The following FIGNL2 variants were observed in gnomAD, a reference collection of about 807,000 sequenced individuals.
FIGNL2 encodes the protein fidgetin like 2.
For synonymous variants in FIGNL2, 565 were observed against 484.0 expected (o/e 1.17, Z -2.20); for missense variants, 1,060 against 950.2 (o/e 1.12, Z -1.52).
Position 51,820,503 on chromosome 12 carries a change from C to T in FIGNL2, c.1911G>A (p.Lys637=), listed in dbSNP as rs756938218. The T allele has an allele frequency of 5.7e-6, 9 of 1,584,304 alleles. No individual in the cohort carries two copies. The highest frequency in any genetic ancestry group is 5.4e-5 in the African/African-American group (4 of 74,670). ...CCCACTCCACGAACGAGTCCAGTTC[C>T]TTGGCAGAGGCCCTAGGGCCCACCT... ...LAKVGPRASA[K]ELDSFVEWDK... is the part of the protein sequence containing the mutation. Residue 637 remains lysine, a synonymous_variant, in exon 2 of 2, where the codon AAG becomes AAA. Transcript: ENST00000618634.
At chr12:51,824,157 G>A (rs1939284407) in intron 1 of FIGNL2, 1 of 152,268 alleles carries the variant, frequency 6.6e-6, no homozygotes, top group Admixed American at 6.5e-5. Flanking sequence ...GGTGTCTGCT[G>A]CACTGGAATT....
At chr12:51,830,528 G>A (rs185365922) in intron 1 of FIGNL2, among the ~76,000 whole-genome samples, 2 of 127,866 alleles carry the variant, frequency 1.6e-5, no homozygotes, top group African/African-American at 5.8e-5. Flanking sequence ...GTCTCACACT[G>A]TCGCATGGGC....
At chr12:51,848,367 G>A in intron 1 of FIGNL2, 173 bp downstream of exon 1, 1 of 966,966 alleles carries the variant, frequency 1.0e-6, no homozygotes, top group Non-Finnish European at 1.2e-6. Flanking sequence ...CCACGTACCC[G>A]CTAGGGTCTC....
chr12:51,837,700 C>G (rs1488131726), intron 1 of FIGNL2, among the ~76,000 whole-genome samples: 12 of 152,218 alleles, frequency 7.9e-5, no homozygotes, highest in Admixed American at 7.8e-4. Flanking sequence ...CTTCCACTGT[C>G]TTGTCTCACC....
intron 1 of FIGNL2, among the ~76,000 whole-genome samples, chr12:51,837,609 A>C (rs303789): frequency 6.6e-6 from 1 of 152,092 alleles, no homozygotes; most frequent in Non-Finnish European, 1.5e-5. Flanking sequence ...TCTCCTCCCC[A>C]CCCCCTTCTT....
At chr12:51,841,940 A>C (rs1472285607) in intron 1 of FIGNL2, 2 of 152,202 alleles carry the variant, frequency 1.3e-5, no homozygotes, top group African/African-American at 4.8e-5. Flanking sequence ...GCCCCATCTG[A>C]GAACACGTGA....
intron 1 of FIGNL2, among the ~76,000 whole-genome samples, chr12:51,845,077 T>G (rs1939721906): frequency 6.6e-6 from 1 of 152,140 alleles, no homozygotes. Flanking sequence ...TGGTGTCAAT[T>G]AACGGAAGTG....
chr12:51,845,493 G>A (rs1415077777), intron 1 of FIGNL2: 4 of 985,350 alleles, frequency 4.1e-6, no homozygotes, highest in Non-Finnish European at 1.2e-6. Flanking sequence ...CCCTGAAGGG[G>A]GTCTCAGGGC....
At chr12:51,824,226 T>C (rs668358) in intron 1 of FIGNL2, 130,183 of 151,790 alleles carry the variant, frequency 0.86, 56,031 homozygotes, top group East Asian at 0.98. Context: ...CCATACACTT[T>C]GAGTCCATAG....
Position 51,821,069 on chromosome 12 carries a change from G to T in FIGNL2, c.1345C>A (p.Leu449Met). Residue 449 changes from leucine (L) to methionine (M), a missense_variant, in exon 2 of 2, where the codon CTG (leucine) becomes ATG (methionine). By Grantham distance (15) the Leu-to-Met change is conservative. Transcript: ENST00000618634. The part of the protein sequence containing the change: ...ALLGRCLATQ[L>M]GATLLRLRGA... ...CGCAGGCGCAACAGCGTGGCGCCCA[G>T]CTGCGTGGCGAGGCAGCGGCCCAGC... The T allele has an allele frequency of 1.6e-6, 2 of 1,281,416 alleles. No individual in the cohort carries two copies. Among genetic ancestry groups the T allele is most frequent in the Non-Finnish European group, 2.0e-6 (2 of 1,018,242 alleles). 79.4% of individuals were successfully genotyped at this position (1,281,416 alleles called of 1,614,324 possible).
rs1244108926 is a variant in FIGNL2 at position 51,821,334 on chromosome 12, G to A, written c.1080C>T (p.Ala360=). The A allele has an allele frequency of 8.7e-6, 13 of 1,501,668 alleles. No homozygotes were observed. The highest frequency in any genetic ancestry group is 1.1e-5 in the Non-Finnish European group (13 of 1,130,600). 93.0% of individuals were successfully genotyped at this position (1,501,668 alleles called of 1,614,324 possible). A position where few individuals can be genotyped will look rare whatever the true frequency, so the allele number is the denominator to read the frequency against. The change falls in exon 2 of 2, where the codon GCC becomes GCT. Residue 360 remains alanine (A), a synonymous_variant. Coordinates refer to ENST00000618634, the MANE Select transcript of FIGNL2 (RefSeq NM_001384995.1). ...ERAPAPRGGF[A]VPSGETPKGV... Reference sequence around the variant, plus strand: ...CTTTGGGAGTCTCCCCCGACGGCACGGCGAACCCCCCACGAGGAGCCGGGG... The same window carrying A: ...CTTTGGGAGTCTCCCCCGACGGCACAGCGAACCCCCCACGAGGAGCCGGGG...
chr12:51,821,131 A>G lies in FIGNL2; in HGVS notation c.1283T>C (p.Val428Ala), dbSNP rs1592183787. 10 of 1,454,092 alleles carry G rather than the reference A, an allele frequency of 6.9e-6. No individual in the cohort carries two copies. Among genetic ancestry groups the G allele is most frequent in the Non-Finnish European group, 9.0e-6 (10 of 1,116,328 alleles). 90.1% of individuals were successfully genotyped at this position (1,454,092 alleles called of 1,614,324 possible). ...YPGSLRPPRT[V>A]LLFGPRGAGK... ...CGCGCCCCGCGGCCCAAAGAGCAGG[A>G]CGGTCCGCGGCGGGCGCAGGCTGCC... The change falls in exon 2 of 2, where the codon GTC becomes GCC. Residue 428 changes from valine to alanine, a missense_variant. Val to Ala is a moderately conservative substitution (Grantham distance 64). Transcript: ENST00000618634.
Position 51,845,706 on chromosome 12 carries a change from G to T in FIGNL2, c.-12+2834C>A, listed in dbSNP as rs1939737700. ...GACCAGCCTGTCTCTTGCCCTCCCT[G>T]GCTGACCGACGGCAGGGGGAGGGGA... On this transcript the variant is annotated intron_variant, in intron 1 of 1. Transcript: ENST00000618634. 14 of 983,028 alleles carry T rather than the reference G, an allele frequency of 1.4e-5. No homozygotes were observed. The South Asian group carries it at 5.6e-4, about 40-fold the overall frequency. 60.9% of individuals were successfully genotyped at this position (983,028 alleles called of 1,614,324 possible). A position where few individuals can be genotyped will look rare whatever the true frequency, so the allele number is the denominator to read the frequency against.
chr12:51,842,503 A>C (rs1939680024), intron 1 of FIGNL2, among the ~76,000 whole-genome samples: 2 of 152,086 alleles, frequency 1.3e-5, no homozygotes. Context: ...TATAACCTAA[A>C]TCCTACCAGT....
chr12:51,826,044 G>T (rs1019475850), intron 1 of FIGNL2: 7 of 152,144 alleles, frequency 4.6e-5, no homozygotes, highest in African/African-American at 1.7e-4. Context: ...ATTGGGCAAA[G>T]CTCCCTTACC....
In FIGNL2 at chr12:51,830,774, G is replaced by A. The variant is rs568828087; in HGVS notation, c.-11-8350C>T. Reference sequence around the variant, plus strand: ...CTAAAGTGCTGGATTACAGGCATGAGCCACCACACCCGGCCTACGCTCTTT... The same window carrying A: ...CTAAAGTGCTGGATTACAGGCATGAACCACCACACCCGGCCTACGCTCTTT... On this transcript the variant is annotated intron_variant, in intron 1 of 1. Coordinates refer to ENST00000618634, the MANE Select transcript of FIGNL2 (RefSeq NM_001384995.1). Among the ~76,000 whole-genome samples the A allele has an allele frequency of 1.7e-3, 258 of 151,870 alleles. 1 individual carries two copies. The highest frequency in any genetic ancestry group is 5.7e-3 in the African/African-American group (237 of 41,382).
intron 1 of FIGNL2, chr12:51,835,206 C>T (rs1423890356): frequency 6.8e-6 from 1 of 147,674 alleles, no homozygotes; most frequent in Non-Finnish European, 1.5e-5. Flanking sequence ...CTTGGACTGA[C>T]CCCCAAGGAA....
At chr12:51,847,101 G>T in intron 1 of FIGNL2, 1 of 985,396 alleles carries the variant, frequency 1.0e-6, no homozygotes, top group Non-Finnish European at 1.2e-6. Flanking sequence ...CACAGCACCG[G>T]GCAGCCCGGC....
intron 1 of FIGNL2, chr12:51,845,470 C>CA (rs367940023): frequency 2.0e-6 from 2 of 982,092 alleles, no homozygotes; most frequent in Non-Finnish European, 2.4e-6. Flanking sequence ...GCCCCCCCCC[C>CA]ACAGTCTCTG....
Sources: allele counts gnomAD v4.1 joint callset (sites outside exome capture counted in the v4.1 genomes callset), GRCh38; gene constraint gnomAD v4.1.1; transcripts MANE v1.5; gene names NCBI Gene and HGNC (gene_info 2026-07-23, HGNC 2026-07-21).